Variants in ATXN1 observed in about 807,000 individuals in gnomAD.
ATXN1 encodes the protein ataxin-1.
In ATXN1, 8 loss-of-function variants were observed where a neutral mutation model predicts 56.4. The observed-to-expected ratio is 0.14, with a 90% CI of 0.08 to 0.26. The LOEUF is 0.26. ATXN1 is among the 10% of genes least tolerant of loss of function. The pLI is 1.00. For synonymous variants in ATXN1, 514 were observed against 494.6 expected, an observed-to-expected ratio of 1.04 and a Z score of -0.52; for missense variants, 987 against 1,106.5, an observed-to-expected ratio of 0.89 and a Z score of 1.53.
intron 6 of ATXN1, among the ~76,000 whole-genome samples, chr6:16,396,094 A>G (rs938842445): frequency 6.6e-6 from 1 of 151,416 alleles, no homozygotes; most frequent in African/African-American, 2.4e-5. Flanking sequence ...TTCAAGAAGA[A>G]GGCATTGTTA....
intron 2 of ATXN1, among the ~76,000 whole-genome samples, chr6:16,727,235 TA>T (rs1010028808): frequency 1.3e-5 from 2 of 152,152 alleles, no homozygotes; most frequent in African/African-American, 4.8e-5. Flanking sequence ...CAAGTATCAG[TA>T]AAACCACAAA....
chr6:16,327,915 G>A lies in ATXN1; in HGVS notation c.396C>T (p.Ser132=), dbSNP rs1291043731. The change falls in exon 7 of 8, where the codon TCC becomes TCT. Residue 132 remains serine (S), a synonymous_variant. Transcript: ENST00000436367. ...TGGCATAGGTTCCACTGTATTGGGAGGACCCAATGAACTGGAAGGTGTGCG... is the reference window on the plus strand; with the variant it reads ...TGGCATAGGTTCCACTGTATTGGGAAGACCCAATGAACTGGAAGGTGTGCG... ...HLPHTFQFIG[S]SQYSGTYASF... is the part of the protein sequence containing the mutation. 1 of 1,609,986 alleles carries A rather than the reference G, an allele frequency of 6.2e-7. No homozygotes were observed. Among genetic ancestry groups the A allele is most frequent in the East Asian group, 2.2e-5 (1 of 44,882 alleles).
intron 3 of ATXN1, chr6:16,615,229 G>T: frequency 6.8e-6 from 1 of 147,618 alleles, no homozygotes; most frequent in African/African-American, 2.5e-5. Flanking sequence ...GAGCGATTGT[G>T]GAAATTTCCG....
At chr6:16,720,678 T>C (rs989528853) in intron 2 of ATXN1, among the ~76,000 whole-genome samples, 1 of 152,228 alleles carries the variant, frequency 6.6e-6, no homozygotes, top group African/African-American at 2.4e-5. Flanking sequence ...GATCCAAACA[T>C]GGCTTTTTTG....
At chr6:16,527,299 T>C (rs560772341) in intron 4 of ATXN1, among the ~76,000 whole-genome samples, 2 of 151,360 alleles carry the variant, frequency 1.3e-5, no homozygotes, top group African/African-American at 2.4e-5. Flanking sequence ...ATGGGCAGAG[T>C]GTGTGGAAAT....
At chr6:16,559,392 T>C (rs974489461) in intron 4 of ATXN1, among the ~76,000 whole-genome samples, 1 of 150,490 alleles carries the variant, frequency 6.6e-6, no homozygotes, top group African/African-American at 2.4e-5. Flanking sequence ...AAAAAGTCCA[T>C]CAATGTGGGA....
At chr6:16,632,667 GAA>G (rs58059754) in intron 3 of ATXN1, among the ~76,000 whole-genome samples, 1 of 148,090 alleles carries the variant, frequency 6.8e-6, no homozygotes, top group African/African-American at 2.5e-5. Context: ...GGGGGGTTAA[GAA>G]AAAAAAAATG....
At chr6:16,543,147 G>A (rs995466977) in intron 4 of ATXN1, among the ~76,000 whole-genome samples, 7 of 152,144 alleles carry the variant, frequency 4.6e-5, no homozygotes, top group African/African-American at 1.4e-4. Flanking sequence ...TTTACAAAAT[G>A]CGAGACAAGC....
At chr6:16,745,092 T>C (rs1760478361) in intron 2 of ATXN1, among the ~76,000 whole-genome samples, 1 of 152,168 alleles carries the variant, frequency 6.6e-6, no homozygotes, top group East Asian at 1.9e-4. Flanking sequence ...ATGAAAACTT[T>C]AAAACCAAAG....
intron 4 of ATXN1, among the ~76,000 whole-genome samples, chr6:16,550,466 T>A (rs1561751029): frequency 1.3e-5 from 2 of 152,236 alleles, no homozygotes; most frequent in Admixed American, 6.5e-5. Flanking sequence ...TTGATCTATT[T>A]CTACAGTAGG....
intron 2 of ATXN1, among the ~76,000 whole-genome samples, chr6:16,721,997 T>C (rs1012251796): frequency 2.0e-5 from 3 of 152,186 alleles, no homozygotes; most frequent in Admixed American, 6.5e-5. Context: ...AAATGAAGAA[T>C]TCCCAACCAC....
chr6:16,720,402 C>T (rs1271875790), intron 2 of ATXN1, among the ~76,000 whole-genome samples: 1 of 152,174 alleles, frequency 6.6e-6, no homozygotes, highest in African/African-American at 2.4e-5. Context: ...ACTTAGACAA[C>T]CTTGTTTGTT....
At position 16,614,114 on chromosome 6, in the gene ATXN1, T is replaced by C. The variant is rs556217346; in HGVS notation, c.-488-28207A>G. On this transcript the variant is annotated intron_variant, in intron 3 of 7. Transcript: ENST00000436367. ...TCCTTGAGGCAACTCAGAGGAGCGA[T>C]TGTGGAAATTTCCGAAGCTGCTATA... 4.1e-3 allele frequency among the ~76,000 whole-genome samples: 621 copies of C among 151,664 alleles called. 7 individuals carry two copies. The highest frequency in any genetic ancestry group is 0.014 in the African/African-American group (597 of 41,176).
intron 6 of ATXN1, among the ~76,000 whole-genome samples, chr6:16,377,240 C>T (rs776974379): frequency 3.9e-5 from 6 of 152,174 alleles, no homozygotes; most frequent in East Asian, 1.9e-4. Flanking sequence ...TATAAGTTTA[C>T]GGTATTTTGC....
At chr6:16,731,397 A>C (rs775096821) in intron 2 of ATXN1, among the ~76,000 whole-genome samples, 1 of 151,796 alleles carries the variant, frequency 6.6e-6, no homozygotes, top group Non-Finnish European at 1.5e-5. Flanking sequence ...GTCATAAAAA[A>C]AAATCACAAG....
At position 16,587,770 on chromosome 6, in the gene ATXN1, T is replaced by TA. The variant is rs879724279; in HGVS notation, c.-488-1864dup. Among the ~76,000 whole-genome samples, 611 of 142,980 alleles carry TA rather than the reference T, an allele frequency of 4.3e-3. 2 individuals are homozygous for TA. The highest frequency in any genetic ancestry group is 6.7e-3 in the African/African-American group (262 of 39,144). 93.8% of individuals were successfully genotyped at this position (142,980 alleles called of 152,430 possible). ...CAACATGGTGAAACCCCATCTATACTAAAAAAAAAAACTAGCCAGGCATGG... is the reference window on the plus strand; with the variant it reads ...CAACATGGTGAAACCCCATCTATACTAAAAAAAAAAAACTAGCCAGGCATGG... On this transcript the variant is annotated intron_variant, in intron 3 of 7. Coordinates refer to ENST00000436367, the MANE Select transcript of ATXN1 (RefSeq NM_001128164.2).
chr6:16,374,275 G>A (rs9396666), intron 6 of ATXN1, among the ~76,000 whole-genome samples: 57,696 of 151,920 alleles, frequency 0.38, 11,939 homozygotes, highest in East Asian at 0.92. Flanking sequence ...AAGTATGCTC[G>A]ATTAGCAAGC....
At chr6:16,444,070 T>G (rs143473538) in intron 6 of ATXN1, among the ~76,000 whole-genome samples, 2 of 151,106 alleles carry the variant, frequency 1.3e-5, no homozygotes, top group East Asian at 1.9e-4. Context: ...GAGCCGAGAT[T>G]GCGCCACTGC....
chr6:16,726,391 A>AG (rs565786058), intron 2 of ATXN1, among the ~76,000 whole-genome samples: 1 of 152,058 alleles, frequency 6.6e-6, no homozygotes, highest in South Asian at 2.1e-4. Context: ...AAAAAAAAAA[A>AG]AAAAAAGGGA....
Sources: gnomAD v4.1 joint callset for allele counts (sites outside exome capture counted in the v4.1 genomes callset) on GRCh38, gnomAD v4.1.1 for gene constraint, MANE v1.5 for transcripts, NCBI Gene and HGNC (gene_info 2026-07-23, HGNC 2026-07-21) for gene names.